The following FILIP1L variants were observed in gnomAD, a reference collection of about 807,000 sequenced individuals.
FILIP1L encodes the protein filamin A interacting protein 1 like.
In FILIP1L, 55 loss-of-function variants were observed where a neutral mutation model predicts 96.6. That is an observed-to-expected ratio of 0.57 (90% CI 0.46 to 0.71). The LOEUF is 0.71. FILIP1L is among the 30% of genes least tolerant of loss of function. FILIP1L has a pLI of 0.00. For missense variants in FILIP1L, 1,304 were observed against 1,321.2 expected (o/e 0.99, Z 0.20); for synonymous variants, 467 against 473.9 (o/e 0.99, Z 0.19).
Position 99,999,511 on chromosome 3 carries a change from C to T in FILIP1L, c.-10-68481G>A, listed in dbSNP as rs920946064. 6.6e-5 allele frequency among the ~76,000 whole-genome samples: 10 copies of T among 152,166 alleles called. 1 individual carries two copies. The highest frequency in any genetic ancestry group is 1.9e-4 in the African/African-American group (8 of 41,434). On this transcript the variant is annotated intron_variant, in intron 1 of 5. Transcript: ENST00000477258. The stretch of plus-strand genomic sequence containing the variant: ...TATTTAGAGTTGGATAAGGGAGGTG[C>T]ATGAATATGGGAACATATATATCCT...
intron 1 of FILIP1L, among the ~76,000 whole-genome samples, chr3:100,101,479 G>C (rs1308612630): frequency 3.9e-5 from 6 of 152,154 alleles, no homozygotes; most frequent in Non-Finnish European, 5.9e-5. Context: ...AGCAACTGAA[G>C]AGACTCTCAC....
At chr3:100,032,907 G>T (rs2065044052) in intron 1 of FILIP1L, among the ~76,000 whole-genome samples, 3 of 152,064 alleles carry the variant, frequency 2.0e-5, no homozygotes. Flanking sequence ...CCTGCAACAA[G>T]CCTGCAAGGT....
At chr3:99,968,083 G>A (rs1708706414) in intron 1 of FILIP1L, among the ~76,000 whole-genome samples, 1 of 152,178 alleles carries the variant, frequency 6.6e-6, no homozygotes, top group African/African-American at 2.4e-5. Context: ...CAAAGAGATA[G>A]TTTTAGCACA....
intron 1 of FILIP1L, among the ~76,000 whole-genome samples, chr3:100,080,323 GAA>G (rs36071813): frequency 1.3e-5 from 2 of 150,926 alleles, no homozygotes; most frequent in Non-Finnish European, 3.0e-5. Flanking sequence ...CTAAGAGGGG[GAA>G]AAAAAAATTT....
intron 1 of FILIP1L, among the ~76,000 whole-genome samples, chr3:100,086,083 G>T (rs1316346848): frequency 6.6e-6 from 1 of 152,164 alleles, no homozygotes; most frequent in Non-Finnish European, 1.5e-5. Flanking sequence ...GTTTCCTCCA[G>T]GTAATAAAAT....
chr3:100,058,195 C>T (rs1363338959), intron 1 of FILIP1L, among the ~76,000 whole-genome samples: 1 of 152,204 alleles, frequency 6.6e-6, no homozygotes, highest in Non-Finnish European at 1.5e-5. Context: ...AGAGCCTATG[C>T]TATTACTCTC....
intron 1 of FILIP1L, among the ~76,000 whole-genome samples, chr3:100,029,070 G>T (rs1300299665): frequency 6.6e-6 from 1 of 151,894 alleles, no homozygotes; most frequent in Non-Finnish European, 1.5e-5. Flanking sequence ...CATGCCTATT[G>T]TCCCAAGCTA....
intron 1 of FILIP1L, among the ~76,000 whole-genome samples, chr3:100,006,775 G>A (rs1256277917): frequency 6.6e-6 from 1 of 152,118 alleles, no homozygotes; most frequent in South Asian, 2.1e-4. Flanking sequence ...AATCAGATAA[G>A]TAAATTAATA....
chr3:99,939,974 C>A (rs1707806182), intron 1 of FILIP1L, among the ~76,000 whole-genome samples: 1 of 152,168 alleles, frequency 6.6e-6, no homozygotes, highest in African/African-American at 2.4e-5. Context: ...CTACGTGCTG[C>A]AGTCAGAGAA....
At chr3:99,855,326 C>T (rs1223759059) in intron 4 of FILIP1L, among the ~76,000 whole-genome samples, 2 of 152,062 alleles carry the variant, frequency 1.3e-5, no homozygotes, top group Non-Finnish European at 2.9e-5. Flanking sequence ...GCAAAAAGGG[C>T]GTTAAATGAT....
At chr3:99,978,630 C>G (rs987765969) in intron 1 of FILIP1L, among the ~76,000 whole-genome samples, 2 of 152,156 alleles carry the variant, frequency 1.3e-5, no homozygotes, top group African/African-American at 2.4e-5. Flanking sequence ...CACCAGGGCT[C>G]TCCCCTGTAA....
intron 1 of FILIP1L, among the ~76,000 whole-genome samples, chr3:100,097,470 A>G (rs1192281801): frequency 6.6e-6 from 1 of 152,214 alleles, no homozygotes; most frequent in Non-Finnish European, 1.5e-5. Context: ...TTCTGTGGAT[A>G]TGGAGGGACA....
At chr3:100,012,389 C>T (rs1046796523) in intron 1 of FILIP1L, among the ~76,000 whole-genome samples, 3 of 152,038 alleles carry the variant, frequency 2.0e-5, no homozygotes, top group East Asian at 1.9e-4. Flanking sequence ...AAGCCCAAAA[C>T]GAAACAAAAT....
chr3:99,933,058 T>A (rs919624848), intron 1 of FILIP1L, among the ~76,000 whole-genome samples: 3 of 152,110 alleles, frequency 2.0e-5, no homozygotes, highest in African/African-American at 7.2e-5. Context: ...CATTTTACAG[T>A]GAACAAATGG....
At chr3:99,922,520 A>G (rs559230969) in intron 4 of FILIP1L, among the ~76,000 whole-genome samples, 7 of 152,330 alleles carry the variant, frequency 4.6e-5, no homozygotes, top group Non-Finnish European at 8.8e-5. Context: ...GGCACTCCGA[A>G]AAAATGCCTA....
Position 100,024,549 on chromosome 3 carries a change from G to A in FILIP1L, c.-11+89504C>T, listed in dbSNP as rs1427276755. Among the ~76,000 whole-genome samples the A allele has an allele frequency of 2.0e-5, 3 of 151,994 alleles. No individual in the cohort carries two copies. The East Asian group carries it at 5.8e-4, about 29-fold the overall frequency. Reference sequence around the variant, plus strand: ...ATAGGAAGCAACTGTTTTCTTTCATGGTTATATTTCACCAGTTTACATCAT... The same window carrying A: ...ATAGGAAGCAACTGTTTTCTTTCATAGTTATATTTCACCAGTTTACATCAT... On this transcript the variant is annotated intron_variant, in intron 1 of 5. Coordinates refer to ENST00000477258, the MANE Select transcript of FILIP1L (RefSeq NM_001387850.1).
intron 1 of FILIP1L, among the ~76,000 whole-genome samples, chr3:100,100,217 A>G (rs1457996412): frequency 6.6e-6 from 1 of 152,132 alleles, no homozygotes; most frequent in African/African-American, 2.4e-5. Context: ...TTCTCCTGAG[A>G]TATTCAAGGG....
At chr3:99,836,683 A>G (rs937506870) in intron 5 of FILIP1L, among the ~76,000 whole-genome samples, 2 of 152,232 alleles carry the variant, frequency 1.3e-5, no homozygotes, top group Non-Finnish European at 2.9e-5. Flanking sequence ...TGATAAGAAT[A>G]TAACTAGTTC....
intron 1 of FILIP1L, chr3:100,041,285 C>T (rs1024963063): frequency 6.6e-6 from 1 of 152,118 alleles, no homozygotes; most frequent in African/African-American, 2.4e-5. Context: ...GGTTTGTAAT[C>T]TCTTTAGAAA....
Sources: gnomAD v4.1 joint callset for allele counts (sites outside exome capture counted in the v4.1 genomes callset) on GRCh38, gnomAD v4.1.1 for gene constraint, MANE v1.5 for transcripts, NCBI Gene and HGNC (gene_info 2026-07-23, HGNC 2026-07-21) for gene names.